LTF: variants seen among roughly 807,000 people sequenced by gnomAD.
LTF encodes epididymis luminal protein 110.
A neutral mutation model predicts 87.2 loss-of-function variants in LTF; 91 were observed. That is an observed-to-expected ratio of 1.04 (90% CI 0.88 to 1.24). LTF has a LOEUF of 1.24. Ranked by LOEUF, LTF falls within the 50% of genes most tolerant of loss-of-function variation. The pLI, the probability that LTF is intolerant of heterozygous loss-of-function variation, is 0.00. For missense variants in LTF, 901 were observed against 904.3 expected, an observed-to-expected ratio of 1.00 and a Z score of 0.05; for synonymous variants, 378 against 356.1, an observed-to-expected ratio of 1.06 and a Z score of -0.69.
intron 2 of LTF, among the ~76,000 whole-genome samples, chr3:46,457,133 C>T (rs1266550226): frequency 6.6e-6 from 1 of 152,206 alleles, no homozygotes; most frequent in Non-Finnish European, 1.5e-5. Flanking sequence ...ACCTCCTGGT[C>T]TGAGGTCTAG....
Position 46,464,858 on chromosome 3 carries a change from C to G in LTF, c.10G>C (p.Val4Leu), listed in dbSNP as rs1703175300. Residue 4 changes from valine (V) to leucine (L), a missense_variant, in exon 1 of 17, where the codon GTC (valine) becomes CTC (leucine). Coordinates refer to ENST00000231751, the MANE Select transcript of LTF (RefSeq NM_002343.6). ...CCGAGGAACAGCAGGACGAGGAAGA[C>G]AAGTTTCATGTCTGCGGTCTGGAGG... Reference protein sequence around the residue: MKLVFLVLLFLGAL... With the variant: MKLLFLVLLFLGAL... 5.0e-6 allele frequency: 8 copies of G among 1,613,902 alleles called. No homozygotes were observed. The highest frequency in any genetic ancestry group is 6.8e-6 in the Non-Finnish European group (8 of 1,179,966).
chr3:46,462,504 C>G (rs1023153823), intron 1 of LTF, among the ~76,000 whole-genome samples: 3 of 152,176 alleles, frequency 2.0e-5, no homozygotes, highest in Admixed American at 6.5e-5. Context: ...CAGTCAGGCA[C>G]TAAACTCCCC....
intron 10 of LTF, 115 bp from the exon 11 acceptor site, chr3:46,446,608 C>T: frequency 1.2e-6 from 1 of 826,454 alleles, no homozygotes; most frequent in Non-Finnish European, 2.0e-6. Context: ...CCCAGCAGTT[C>T]CATGCAGGAG....
chr3:46,448,881 G>T lies in LTF; in HGVS notation c.1194C>A (p.Asp398Glu). ...VTCSSASTTE[D>E]CIALVLKGEA... The stretch of plus-strand genomic sequence containing the variant: ...TCCCTACCAGCACCAGGGCGATGCA[G>T]TCCTCTGTGGTGGAGGCCGAGGAGC... The change falls in exon 9 of 17, where the codon GAC (aspartate) becomes GAA (glutamate). Residue 398 changes from aspartate (D) to glutamate (E), a missense_variant. Asp to Glu is a conservative substitution (Grantham distance 45). Transcript: ENST00000231751. 2 of 1,613,440 alleles carry T rather than the reference G, an allele frequency of 1.2e-6. No individual in the cohort carries two copies. The highest frequency in any genetic ancestry group is 1.7e-6 in the Non-Finnish European group (2 of 1,179,824).
rs1409131880 is a variant in LTF, at chr3:46,445,307, A to T, written c.1487T>A (p.Phe496Tyr). The change falls in exon 12 of 17, where the codon TTC becomes TAC. Residue 496 changes from phenylalanine to tyrosine, a missense_variant. Coordinates refer to ENST00000231751, the MANE Select transcript of LTF (RefSeq NM_002343.6). The part of the protein sequence containing the change: ...AGWNIPMGLL[F>Y]NQTGSCKFDE... ...AAATTTGCAGGAGCCCGTCTGGTTG[A>T]AGAGCAGGCCCATGGGGATATTCCA... 6.2e-7 allele frequency: 1 copy of T among 1,611,802 alleles called. No individual in the cohort carries two copies. The highest frequency in any genetic ancestry group is 1.1e-5 in the South Asian group (1 of 90,766).
chr3:46,446,663 C>T (rs1259513493), intron 10 of LTF, among the ~76,000 whole-genome samples, 170 bp from the exon 11 acceptor site: 1 of 152,230 alleles, frequency 6.6e-6, no homozygotes, highest in Non-Finnish European at 1.5e-5. Flanking sequence ...CAGAGATTCA[C>T]AGCTGCATTA....
chr3:46,483,436 G>C (rs116647762), intron 1 of LTF, among the ~76,000 whole-genome samples: 1 of 152,246 alleles, frequency 6.6e-6, no homozygotes, highest in Non-Finnish European at 1.5e-5. Flanking sequence ...CAACTAAGCA[G>C]TGAGAATGAG....
upstream of LTF, chr3:46,464,910 C>T: frequency 6.2e-7 from 1 of 1,605,052 alleles, no homozygotes; most frequent in East Asian, 2.2e-5. Context: ...GGCTCTGCCA[C>T]TTGCGCCTGC....
chr3:46,450,717 C>T (rs371661664), intron 6 of LTF, 44 bp from the exon 7 acceptor site: 5 of 1,515,152 alleles, frequency 3.3e-6, no homozygotes, highest in Non-Finnish European at 4.6e-6. Flanking sequence ...TAAGCCGACT[C>T]CAGCAGTAAC....
chr3:46,475,305 A>C (rs1030208461), intron 1 of LTF, among the ~76,000 whole-genome samples: 10 of 152,240 alleles, frequency 6.6e-5, no homozygotes, highest in Non-Finnish European at 1.3e-4. Flanking sequence ...CTTCAGACTC[A>C]AATGGTTTCA....
intron 4 of LTF, 130 bp from the exon 5 acceptor site, chr3:46,455,572 G>T: frequency 1.6e-6 from 2 of 1,248,348 alleles, no homozygotes; most frequent in Non-Finnish European, 2.2e-6. Context: ...TCTGTCATGG[G>T]GCTGGGAGCT....
At chr3:46,449,824 G>T in intron 8 of LTF, 30 bp downstream of exon 8, 1 of 1,612,650 alleles carries the variant, frequency 6.2e-7, no homozygotes, top group South Asian at 1.1e-5. Context: ...CACACCAGGC[G>T]GACCTCAGGA....
chr3:46,449,954 GA>G lies in LTF; in HGVS notation c.956del (p.Phe319SerfsTer15). 6.2e-7 allele frequency: 1 copy of G among 1,614,192 alleles called. No homozygotes were observed. The highest frequency in any genetic ancestry group is 8.5e-7 in the Non-Finnish European group (1 of 1,180,026). On this transcript the variant is annotated frameshift_variant, in exon 8 of 17. Transcript: ENST00000231751. LOFTEE classifies it high-confidence loss of function. The part of the protein sequence containing the change: ...GSPSGQKDLL[F>X]KDSAIGFSRV... ...TCGAAAACCCAATGGCAGAGTCCTT[GA>G]ACAGCAGATCTTTCTGCCCACTAGG...
Position 46,438,046 on chromosome 3 carries a change from G to T in LTF, c.1992C>A (p.Asp664Glu), listed in dbSNP as rs1702426556. Residue 664 changes from aspartate (D) to glutamate (E), a missense_variant, in exon 16 of 17, where the codon GAC (aspartate) becomes GAA (glutamate). Coordinates refer to ENST00000231751, the MANE Select transcript of LTF (RefSeq NM_002343.6). Reference protein sequence around the residue: ...QSETKNLLFNDNTECLARLHG... With the variant: ...QSETKNLLFNENTECLARLHG... ...GGAGTCTGGCCAGACACTCAGTGTT[G>T]TCATTGAACAGAAGGTTTTTGGTTT... 1 of 1,613,942 alleles carries T rather than the reference G, an allele frequency of 6.2e-7. No homozygotes were observed. The highest frequency in any genetic ancestry group is 8.5e-7 in the Non-Finnish European group (1 of 1,179,896).
exon 1 of LTF, chr3:46,485,038 A>G (rs538931058): frequency 6.6e-6 from 1 of 152,326 alleles, no homozygotes; most frequent in Admixed American, 6.5e-5. Flanking sequence ...TAAATTCTGG[A>G]TCAAGTCAGA....
At chr3:46,457,609 C>A (rs1318521876) in intron 2 of LTF, among the ~76,000 whole-genome samples, 1 of 152,228 alleles carries the variant, frequency 6.6e-6, no homozygotes, top group African/African-American at 2.4e-5. Flanking sequence ...GGCAGGCTAT[C>A]ATTCTATTAG....
intron 1 of LTF, among the ~76,000 whole-genome samples, chr3:46,480,086 A>G (rs1240477458): frequency 6.6e-6 from 1 of 152,198 alleles, no homozygotes; most frequent in Non-Finnish European, 1.5e-5. Flanking sequence ...TAATCATGGT[A>G]AGACTGACAG....
chr3:46,452,607 T>G (rs1702830156), intron 6 of LTF, among the ~76,000 whole-genome samples: 1 of 152,200 alleles, frequency 6.6e-6, no homozygotes, highest in Admixed American at 6.5e-5. Flanking sequence ...TCACTGGCTC[T>G]CTCTCTTTCT....
chr3:46,451,553 T>A (rs942532491), intron 6 of LTF, among the ~76,000 whole-genome samples: 2 of 152,240 alleles, frequency 1.3e-5, no homozygotes, highest in Admixed American at 1.3e-4. Context: ...TGTGTGGTTT[T>A]TTTTTCAGCC....
Sources: allele counts gnomAD v4.1 joint callset (sites outside exome capture counted in the v4.1 genomes callset), GRCh38; gene constraint gnomAD v4.1.1; transcripts MANE v1.5; gene names NCBI Gene and HGNC (gene_info 2026-07-23, HGNC 2026-07-21).